AGBL3: variants seen among roughly 807,000 people sequenced by gnomAD.
AGBL3 encodes AGBL carboxypeptidase 3, also known as cytosolic carboxypeptidase 3.
AGBL3 carries 68 observed loss-of-function variants against 94.5 expected under a neutral mutation model. The ratio of observed to expected loss-of-function variants is 0.72; its 90% CI spans 0.59 to 0.88. The LOEUF (loss-of-function observed/expected upper bound fraction) is 0.88, where lower values mean the gene tolerates loss of function less well. Among genes scored for constraint, AGBL3 ranks in the 40% least tolerant of loss-of-function variants. AGBL3 has a pLI of 0.00. For synonymous variants in AGBL3, 354 were observed against 370.7 expected, an observed-to-expected ratio of 0.95 and a Z score of 0.52; for missense variants, 934 against 1,103.8, an observed-to-expected ratio of 0.85 and a Z score of 2.18.
At chr7:135,027,489 A>G (rs943259689) in intron 5 of AGBL3, among the ~76,000 whole-genome samples, 1 of 151,576 alleles carries the variant, frequency 6.6e-6, no homozygotes, top group Admixed American at 6.6e-5. Flanking sequence ...TCCTTCCTGT[A>G]GATCTGAATT....
intron 3 of AGBL3, among the ~76,000 whole-genome samples, chr7:134,990,161 C>A (rs1810048604): frequency 6.6e-6 from 1 of 152,140 alleles, no homozygotes; most frequent in African/African-American, 2.4e-5. Context: ...TTATACTAAT[C>A]CCTTTATGTT....
At chr7:135,045,321 A>C (rs1162659098) in intron 9 of AGBL3, among the ~76,000 whole-genome samples, 153 bp from the exon 10 acceptor site, 1 of 152,186 alleles carries the variant, frequency 6.6e-6, no homozygotes. Context: ...AAGGGAAAGC[A>C]ATGAGATGTT....
At chr7:135,082,801 C>G (rs754891488) in intron 15 of AGBL3, among the ~76,000 whole-genome samples, 1 of 151,642 alleles carries the variant, frequency 6.6e-6, no homozygotes, top group Non-Finnish European at 1.5e-5. Flanking sequence ...TATTGTTATA[C>G]TATATATATA....
At chr7:135,066,613 G>A (rs1819328351) in intron 12 of AGBL3, among the ~76,000 whole-genome samples, 1 of 152,132 alleles carries the variant, frequency 6.6e-6, no homozygotes, top group Non-Finnish European at 1.5e-5. Context: ...TCACCCTTCT[G>A]GTATTTATCC....
chr7:135,051,958 C>T (rs1817913961), intron 11 of AGBL3, among the ~76,000 whole-genome samples: 1 of 151,030 alleles, frequency 6.6e-6, no homozygotes, highest in Admixed American at 6.7e-5. Context: ...AGTTAAGTGT[C>T]TTTGTTTTTG....
chr7:135,108,862 A>G (rs1482766149), intron 15 of AGBL3, among the ~76,000 whole-genome samples: 2 of 152,134 alleles, frequency 1.3e-5, no homozygotes, highest in African/African-American at 4.8e-5. Flanking sequence ...CATGTTTCTC[A>G]GAGGTTTTGT....
chr7:135,094,084 C>T (rs2116937941), intron 15 of AGBL3: 3 of 279,080 alleles, frequency 1.1e-5, no homozygotes, highest in South Asian at 6.8e-5. Flanking sequence ...TTATACCATA[C>T]ACTAAAAATA....
chr7:135,008,040 T>C (rs1275168235), intron 4 of AGBL3, among the ~76,000 whole-genome samples: 1 of 152,082 alleles, frequency 6.6e-6, no homozygotes, highest in Non-Finnish European at 1.5e-5. Flanking sequence ...GACTTACTAT[T>C]ATTACGATGA....
chr7:135,130,726 T>A (rs1405183969), intron 16 of AGBL3, among the ~76,000 whole-genome samples: 1 of 152,200 alleles, frequency 6.6e-6, no homozygotes, highest in East Asian at 1.9e-4. Context: ...ACCACTGTAG[T>A]TCCAGTCCTA....
chr7:135,010,217 G>A (rs778603051), intron 4 of AGBL3: 23 of 310,198 alleles, frequency 7.4e-5, no homozygotes, highest in Non-Finnish European at 3.7e-5. Flanking sequence ...TAGTAGAGAC[G>A]GGGTTTCACC....
chr7:134,993,500 T>C lies in AGBL3; in HGVS notation c.132T>C (p.Ser44=). ...LHRCALLTAD[S]FGDPFFPRTT... is the part of the protein sequence containing the mutation. ...TTTGAATCTTTTTCTCAGCTGACTC[T>C]TTTGGTGATCCCTTCTTCCCCCGGA... Residue 44 remains serine (S), a synonymous_variant, in exon 4 of 17, where the codon TCT becomes TCC. Coordinates refer to ENST00000436302, the MANE Select transcript of AGBL3 (RefSeq NM_178563.4). 1 of 1,545,828 alleles carries C rather than the reference T, an allele frequency of 6.5e-7. No individual in the cohort carries two copies. The highest frequency in any genetic ancestry group is 1.2e-5 in the South Asian group (1 of 82,382).
At chr7:135,058,625 A>G (rs948228835) in intron 11 of AGBL3, among the ~76,000 whole-genome samples, 1 of 152,138 alleles carries the variant, frequency 6.6e-6, no homozygotes, top group Non-Finnish European at 1.5e-5. Context: ...CAGACAGAAA[A>G]AAAAAAATCC....
At chr7:135,126,887 T>TA in intron 16 of AGBL3, among the ~76,000 whole-genome samples, 1 of 152,126 alleles carries the variant, frequency 6.6e-6, no homozygotes, top group East Asian at 1.9e-4. Context: ...ATTAAAGACT[T>TA]AAATGTAAAA....
chr7:135,130,319 C>T (rs76826382), intron 16 of AGBL3, among the ~76,000 whole-genome samples: 1 of 152,316 alleles, frequency 6.6e-6, no homozygotes, highest in East Asian at 1.9e-4. Flanking sequence ...TTTAATACCA[C>T]AAACGCTATG....
At chr7:134,993,819 T>G in intron 4 of AGBL3, 141 bp downstream of exon 4, 1 of 798,668 alleles carries the variant, frequency 1.3e-6, no homozygotes, top group Non-Finnish European at 1.8e-6. Flanking sequence ...TAATTTTAAA[T>G]TTGCTTGTAG....
chr7:135,052,958 A>C (rs1417670911), intron 11 of AGBL3, among the ~76,000 whole-genome samples: 1 of 152,166 alleles, frequency 6.6e-6, no homozygotes, highest in Non-Finnish European at 1.5e-5. Flanking sequence ...GTTATTTCGG[A>C]AACTTTGTAA....
At chr7:135,021,332 C>T (rs1369029517) in intron 5 of AGBL3, among the ~76,000 whole-genome samples, 2 of 149,800 alleles carry the variant, frequency 1.3e-5, no homozygotes, top group African/African-American at 2.5e-5. Flanking sequence ...CGCTCTGTTA[C>T]CCAGGCTGGA....
At chr7:135,058,984 T>C (rs1400491253) in intron 11 of AGBL3, among the ~76,000 whole-genome samples, 185 bp from the exon 12 acceptor site, 1 of 152,182 alleles carries the variant, frequency 6.6e-6, no homozygotes, top group Non-Finnish European at 1.5e-5. Context: ...CTCAAACTCC[T>C]GACCTCAGGT....
At position 135,010,174 on chromosome 7, in the gene AGBL3, G is replaced by A. The variant is rs140099230; in HGVS notation, c.311-6878G>A. On this transcript the variant is annotated intron_variant, in intron 4 of 16. Transcript: ENST00000436302. ...CTCCTGAGTAGCAGAGACTACAGGCGCGTGCCACCACGCTCAGCTAATTTT... is the reference window on the plus strand; with the variant it reads ...CTCCTGAGTAGCAGAGACTACAGGCACGTGCCACCACGCTCAGCTAATTTT... 2.1e-3 allele frequency: 751 copies of A among 355,214 alleles called. 16 individuals are homozygous for A. Among genetic ancestry groups the A allele is most frequent in the South Asian group, 0.012 (586 of 48,566 alleles). The allele number at this position is 355,214 out of a possible 1,614,324, so 22.0% of individuals were successfully genotyped here.
Sources: allele counts gnomAD v4.1 joint callset (sites outside exome capture counted in the v4.1 genomes callset), GRCh38; gene constraint gnomAD v4.1.1; transcripts MANE v1.5; gene names NCBI Gene and HGNC (gene_info 2026-07-23, HGNC 2026-07-21).